Variants in MDGA2 observed in about 807,000 individuals in gnomAD.
MDGA2 encodes MAM domain containing glycosylphosphatidylinositol anchor 2.
Under a neutral mutation model 117.8 loss-of-function variants are expected in MDGA2, and 40 were observed. That is an observed-to-expected ratio of 0.34 (90% CI 0.26 to 0.44). The LOEUF (loss-of-function observed/expected upper bound fraction) is 0.44, where lower values mean the gene tolerates loss of function less well. Among genes scored for constraint, MDGA2 ranks in the 20% least tolerant of loss-of-function variants. The pLI is 1.00. For missense variants in MDGA2, 1,123 were observed against 1,250.6 expected (o/e 0.90, Z 1.54); for synonymous variants, 452 against 439.0 (o/e 1.03, Z -0.37).
intron 1 of MDGA2, among the ~76,000 whole-genome samples, chr14:47,569,640 A>G (rs905324674): frequency 6.6e-6 from 1 of 152,228 alleles, no homozygotes; most frequent in African/African-American, 2.4e-5. Flanking sequence ...TCGAGCACTG[A>G]GAAATTCTGG....
At chr14:47,325,882 T>A (rs890329781) in intron 1 of MDGA2, among the ~76,000 whole-genome samples, 3 of 152,118 alleles carry the variant, frequency 2.0e-5, no homozygotes, top group African/African-American at 4.8e-5. Flanking sequence ...TTGGGTAGGA[T>A]GAACTGAAAG....
At chr14:47,637,197 G>A (rs543506073) in intron 1 of MDGA2, among the ~76,000 whole-genome samples, 143 of 152,254 alleles carry the variant, frequency 9.4e-4, no homozygotes, top group Non-Finnish European at 1.7e-3. Flanking sequence ...TGTATATGAA[G>A]TGGAATGAGT....
chr14:47,639,744 C>G (rs760588060), intron 1 of MDGA2, among the ~76,000 whole-genome samples: 1 of 152,154 alleles, frequency 6.6e-6, no homozygotes, highest in Non-Finnish European at 1.5e-5. Flanking sequence ...GTCTCTCATT[C>G]AAGGACCTCT....
intron 6 of MDGA2, among the ~76,000 whole-genome samples, chr14:47,084,510 A>C (rs985930483): frequency 1.8e-4 from 27 of 152,224 alleles, no homozygotes; most frequent in East Asian, 3.9e-4. Context: ...AAAAAAAAAA[A>C]AAAACTGACA....
intron 1 of MDGA2, among the ~76,000 whole-genome samples, chr14:47,386,892 CT>C (rs1221151996): frequency 1.3e-5 from 2 of 152,172 alleles, no homozygotes; most frequent in Non-Finnish European, 2.9e-5. Flanking sequence ...TTTTCCTCAT[CT>C]GCAAAATGAG....
At chr14:47,327,692 CAT>C (rs973843770) in intron 1 of MDGA2, among the ~76,000 whole-genome samples, 29 of 152,224 alleles carry the variant, frequency 1.9e-4, no homozygotes, top group African/African-American at 5.8e-4. Context: ...AACATACACA[CAT>C]GTTATGCATA....
At chr14:47,107,108 C>T (rs577646789) in intron 5 of MDGA2, among the ~76,000 whole-genome samples, 1,643 of 144,982 alleles carry the variant, frequency 0.011, 19 homozygotes, top group Admixed American at 0.02. Flanking sequence ...CCCTCCTTGG[C>T]GACCGATCAT....
chr14:47,655,941 C>T (rs1035053641), intron 1 of MDGA2, among the ~76,000 whole-genome samples: 3 of 152,156 alleles, frequency 2.0e-5, no homozygotes, highest in Non-Finnish European at 4.4e-5. Context: ...ACAAGCCACA[C>T]GTAAAGTCTA....
At chr14:47,237,158 A>G (rs895082426) in intron 2 of MDGA2, among the ~76,000 whole-genome samples, 17 of 152,144 alleles carry the variant, frequency 1.1e-4, no homozygotes, top group African/African-American at 4.1e-4. Context: ...TTAAAAAAGA[A>G]AGCCTTGCTA....
chr14:46,985,609 G>A (rs1029556762), intron 8 of MDGA2, among the ~76,000 whole-genome samples: 2 of 152,004 alleles, frequency 1.3e-5, no homozygotes, highest in African/African-American at 4.8e-5. Context: ...AGAAAAATCT[G>A]CTCTCAAAAT....
At chr14:46,840,015 T>G (rs902674982), downstream of MDGA2, 3 of 152,270 alleles carry the variant, frequency 2.0e-5, no homozygotes, top group Non-Finnish European at 4.4e-5. Flanking sequence ...TATCCCATGG[T>G]AACCAATAAA....
At chr14:47,135,979 A>T (rs1882433361) in intron 4 of MDGA2, among the ~76,000 whole-genome samples, 1 of 152,108 alleles carries the variant, frequency 6.6e-6, no homozygotes, top group African/African-American at 2.4e-5. Flanking sequence ...AGGGGCTATG[A>T]TCGCAGATTT....
chr14:46,840,729 T>C lies in MDGA2; in HGVS notation c.*1202A>G, dbSNP rs1880574246. ...AAGCTAGGGCCAATTTCATTTCAAA[T>C]GGAGGTTAGAGTAAAAAAATCACTT... is the stretch of plus-strand genomic sequence containing the variant. On this transcript the variant is annotated 3_prime_UTR_variant, in exon 17 of 17. Transcript: ENST00000399232. 1 of 152,544 alleles carries C rather than the reference T, an allele frequency of 6.6e-6. No individual in the cohort carries two copies. The highest frequency in any genetic ancestry group is 2.4e-5 in the African/African-American group (1 of 41,434). The allele number at this position is 152,544 out of a possible 1,614,324, so 9.4% of individuals were successfully genotyped here.
chr14:47,314,480 C>T (rs976916013), intron 1 of MDGA2, among the ~76,000 whole-genome samples: 4 of 152,064 alleles, frequency 2.6e-5, no homozygotes, highest in African/African-American at 9.7e-5. Context: ...GAGTTTGAGA[C>T]AACCCTGCAC....
At chr14:47,109,630 G>C (rs1268004112) in intron 5 of MDGA2, among the ~76,000 whole-genome samples, 1 of 152,146 alleles carries the variant, frequency 6.6e-6, no homozygotes, top group African/African-American at 2.4e-5. Context: ...TCTAAGCTCT[G>C]AGTATTCATC....
chr14:47,018,279 G>C (rs1379775663), intron 8 of MDGA2, among the ~76,000 whole-genome samples: 1 of 152,040 alleles, frequency 6.6e-6, no homozygotes, highest in African/African-American at 2.4e-5. Flanking sequence ...ATGTTTATGA[G>C]TTGTGCCTTC....
At chr14:47,436,494 T>C (rs773816429) in intron 1 of MDGA2, among the ~76,000 whole-genome samples, 1 of 152,068 alleles carries the variant, frequency 6.6e-6, no homozygotes, top group Non-Finnish European at 1.5e-5. Context: ...GGAAAAGAAC[T>C]TCCCCTGATG....
At chr14:47,101,390 G>C (rs1020558819) in intron 5 of MDGA2, among the ~76,000 whole-genome samples, 2 of 152,008 alleles carry the variant, frequency 1.3e-5, no homozygotes, top group African/African-American at 2.4e-5. Context: ...AGTTTTCTTG[G>C]ACTGAGCAAC....
intron 10 of MDGA2, among the ~76,000 whole-genome samples, chr14:46,916,364 T>G (rs747556166): frequency 6.6e-6 from 1 of 152,112 alleles, no homozygotes; most frequent in Non-Finnish European, 1.5e-5. Flanking sequence ...TTCGAGATCT[T>G]GATCCTCAGT....
Sources: allele counts gnomAD v4.1 joint callset (sites outside exome capture counted in the v4.1 genomes callset), GRCh38; gene constraint gnomAD v4.1.1; transcripts MANE v1.5; gene names NCBI Gene and HGNC (gene_info 2026-07-23, HGNC 2026-07-21).